Variants in SCAP observed in about 807,000 individuals in gnomAD.
SCAP encodes the protein sterol regulatory element-binding protein cleavage-activating protein.
In SCAP, 65 loss-of-function variants were observed where a neutral mutation model predicts 123.6. That is an observed-to-expected ratio of 0.53 (90% confidence interval 0.43 to 0.65). SCAP has a LOEUF of 0.65. Among genes scored for constraint, SCAP ranks in the 30% least tolerant of loss-of-function variants. SCAP has a pLI of 0.00. For missense variants in SCAP, 1,398 were observed against 1,712.5 expected, an observed-to-expected ratio of 0.82 and a Z score of 3.24; for synonymous variants, 740 against 726.3, an observed-to-expected ratio of 1.02 and a Z score of -0.30.
Position 47,451,394 on chromosome 3 carries a change from CTTTTT to C in SCAP, c.-98-8308_-98-8304del, listed in dbSNP as rs10712274. ...AAATATTCAAACAGTCCTGGAATGC[CTTTTT>C]TTTTTTTTTTTTTTTTGAGACAGGG... On this transcript the variant is annotated intron_variant, in intron 1 of 22. Transcript: ENST00000265565. Among the ~76,000 whole-genome samples the C allele has an allele frequency of 1.4e-4, 6 of 41,388 alleles. 1 individual carries two copies. Among genetic ancestry groups the C allele is most frequent in the Non-Finnish European group, 3.0e-4 (6 of 20,062 alleles). 27.2% of individuals were successfully genotyped at this position (41,388 alleles called of 152,430 possible).
chr3:47,418,448 G>A lies in SCAP; in HGVS notation c.2204C>T (p.Pro735Leu), dbSNP rs772986145. 3.1e-5 allele frequency: 49 copies of A among 1,595,090 alleles called. No individual in the cohort carries two copies. Among genetic ancestry groups the A allele is most frequent in the South Asian group, 9.0e-5 (8 of 88,940 alleles). The change falls in exon 15 of 23, where the codon CCG becomes CTG. Residue 735 changes from proline (P) to leucine (L), a missense_variant. Transcript: ENST00000265565. ...ACCACCCAGCTGCCCGTAGTTGCGC[G>A]GGCATAGCACGCGGTAGAGGCAGAG... ...LLLCLYRVLC[P>L]RNYGQLGGGP...
At chr3:47,422,863 A>C in intron 9 of SCAP, 3 of 222,546 alleles carry the variant, frequency 1.3e-5, no homozygotes, top group East Asian at 1.0e-4. Context: ...CAACAACCAC[A>C]TCCAACCTCC....
chr3:47,431,161 C>T (rs1193421520), intron 3 of SCAP, among the ~76,000 whole-genome samples: 1 of 53,558 alleles, frequency 1.9e-5, no homozygotes, highest in African/African-American at 5.7e-5. Flanking sequence ...AGGCTATGAC[C>T]AGAACAGAAG....
At chr3:47,470,457 T>C (rs958187060) in intron 1 of SCAP, among the ~76,000 whole-genome samples, 4 of 152,298 alleles carry the variant, frequency 2.6e-5, no homozygotes, top group Middle Eastern at 3.4e-3. Context: ...TGAACATCTG[T>C]ACACAGGAGT....
In SCAP at chr3:47,417,521, C is replaced by G; in HGVS notation, c.2753G>C (p.Arg918Pro). 1 of 1,560,468 alleles carries G rather than the reference C, an allele frequency of 6.4e-7. No homozygotes were observed. Among genetic ancestry groups the G allele is most frequent in the South Asian group, 1.2e-5 (1 of 85,158 alleles). The change falls in exon 17 of 23, where the codon CGG (arginine) becomes CCG (proline). Residue 918 changes from arginine (R) to proline (P), a missense_variant. Arg to Pro is a moderately radical substitution (Grantham distance 103). Transcript: ENST00000265565. Reference sequence around the variant, plus strand: ...CGCCAGCCCCTCCTCCTGGTACACCCGCTGCACCAGGCAGCTGAAGTCATA... The same window carrying G: ...CGCCAGCCCCTCCTCCTGGTACACCGGCTGCACCAGGCAGCTGAAGTCATA... ...PGYDFSCLVQRVYQEEGLAAV... is the reference protein window; with the variant it reads ...PGYDFSCLVQPVYQEEGLAAV...
intron 3 of SCAP, among the ~76,000 whole-genome samples, chr3:47,433,124 C>T (rs1706434071): frequency 6.6e-6 from 1 of 152,222 alleles, no homozygotes; most frequent in Admixed American, 6.5e-5. Flanking sequence ...GTCAGCCCTG[C>T]ACCTGGCTGA....
Position 47,420,702 on chromosome 3 carries a change from G to A in SCAP, c.1415C>T (p.Thr472Met), listed in dbSNP as rs150397046. 506 of 1,611,708 alleles carry A rather than the reference G, an allele frequency of 3.1e-4. 1 individual carries two copies. Among genetic ancestry groups the A allele is most frequent in the Non-Finnish European group, 3.9e-4 (460 of 1,179,964 alleles). Reference protein sequence around the residue: ...LPSAKPVGQPTRYERQLAVRP... With the variant: ...LPSAKPVGQPMRYERQLAVRP... ...CACAGCCAGCTGCCGCTCGTAGCGC[G>A]TTGGCTGTCCCACTGGCTTGGCTGA... is the stretch of plus-strand genomic sequence containing the variant. Residue 472 changes from threonine to methionine, a missense_variant, in exon 12 of 23, where the codon ACG becomes ATG. Thr to Met is a moderately conservative substitution (Grantham distance 81, BLOSUM62 -1). Transcript: ENST00000265565. This position sits in a 1 kb window ranked among gnomAD's most constrained non-coding sequence, Gnocchi z 5.0.
chr3:47,462,741 G>A (rs1432777025), intron 1 of SCAP, among the ~76,000 whole-genome samples: 4 of 102,560 alleles, frequency 3.9e-5, no homozygotes, highest in South Asian at 3.0e-4. Context: ...CAATAAGAGC[G>A]AAACTCCGTC....
At position 47,418,516 on chromosome 3, in the gene SCAP, C is replaced by T. The variant is rs1363341086; in HGVS notation, c.2136G>A (p.Ala712=). The T allele has an allele frequency of 4.4e-6, 7 of 1,590,868 alleles. No individual in the cohort carries two copies. Among genetic ancestry groups the T allele is most frequent in the South Asian group, 1.1e-5 (1 of 88,088 alleles). The change falls in exon 15 of 23, where the codon GCG becomes GCA. Residue 712 remains alanine (A), a synonymous_variant. Transcript: ENST00000265565. ...CGATGCCGGTGGCCAGGCCCAGCGC[C>T]GCCACCCTGCACGGGAGGGCGGACT... ...AHGDVTLYKV[A]ALGLATGIVL...
Position 47,449,311 on chromosome 3 carries a change from C to G in SCAP, c.-98-6220G>C, listed in dbSNP as rs1470838300. Among the ~76,000 whole-genome samples the G allele has an allele frequency of 1.6e-5, 2 of 123,706 alleles. 1 individual carries two copies. The highest frequency in any genetic ancestry group is 3.6e-5 in the Non-Finnish European group (2 of 56,194). The allele number at this position is 123,706 out of a possible 152,430, so 81.2% of individuals were successfully genotyped here. On this transcript the variant is annotated intron_variant, in intron 1 of 22. Transcript: ENST00000265565. ...TAACACTTTCCAGATCCCAAGGGCC[C>G]CTTTCCTGGTCTTCTGGCTAAAAGT...
intron 1 of SCAP, among the ~76,000 whole-genome samples, chr3:47,463,026 C>T (rs979894744): frequency 1.3e-5 from 2 of 152,098 alleles, no homozygotes; most frequent in Non-Finnish European, 2.9e-5. Context: ...TCCTTATTTA[C>T]ACTATTTCCA....
intron 2 of SCAP, among the ~76,000 whole-genome samples, chr3:47,440,267 A>C (rs1460047334): frequency 2.0e-5 from 3 of 152,190 alleles, no homozygotes; most frequent in Non-Finnish European, 4.4e-5. Context: ...TTCTGCAGGC[A>C]ATCCCAGGCT....
At chr3:47,434,234 C>T (rs552675313) in intron 3 of SCAP, among the ~76,000 whole-genome samples, 19 of 152,282 alleles carry the variant, frequency 1.2e-4, no homozygotes, top group African/African-American at 3.9e-4. Context: ...GAGCTCTGTT[C>T]GCTGAGCTTT....
chr3:47,457,815 G>A (rs1707484113), intron 1 of SCAP, among the ~76,000 whole-genome samples: 1 of 152,158 alleles, frequency 6.6e-6, no homozygotes, highest in Admixed American at 6.5e-5. Flanking sequence ...GCTGAGGCAG[G>A]AGAATGGCAT....
At chr3:47,475,317 A>G (rs1708224752) in intron 1 of SCAP, 1 of 152,282 alleles carries the variant, frequency 6.6e-6, no homozygotes, top group East Asian at 1.9e-4. Flanking sequence ...ATTAGTGAGC[A>G]AAGTTGAGGT....
chr3:47,417,865 GA>G (rs1705676057), intron 16 of SCAP, 39 bp from the exon 17 acceptor site: 1 of 914,438 alleles, frequency 1.1e-6, no homozygotes, highest in East Asian at 3.2e-5. Context: ...GGGCACGGGG[GA>G]GGGGGGTGAG....
chr3:47,430,267 CCTCA>C (rs1187358957), intron 3 of SCAP, among the ~76,000 whole-genome samples: 1 of 152,166 alleles, frequency 6.6e-6, no homozygotes, highest in Non-Finnish European at 1.5e-5. Flanking sequence ...ACCAAGGTCT[CCTCA>C]CTAAATATCA....
chr3:47,427,160 G>C lies in SCAP; in HGVS notation c.734C>G (p.Ala245Gly). 7 of 1,610,274 alleles carry C rather than the reference G, an allele frequency of 4.3e-6. No homozygotes were observed. The highest frequency in any genetic ancestry group is 5.9e-6 in the Non-Finnish European group (7 of 1,176,572). ...CCCAGGGTACTGTCAATCTTACTTG[G>C]CATGGTAGTGCTGGAAGACCAGGGT... ...TITLVFQHYHAKFLGSLRARL... is the reference protein window; with the variant it reads ...TITLVFQHYHGKFLGSLRARL... Residue 245 changes from alanine to glycine, a missense_variant, in exon 6 of 23, where the codon GCC (alanine) becomes GGC (glycine). This residue lies in a region of SCAP where 319 missense variants were observed against 432.4 expected (regional missense o/e 0.74). Transcript: ENST00000265565.
At chr3:47,415,908 T>A (rs1430558707) in intron 18 of SCAP, among the ~76,000 whole-genome samples, 1 of 152,084 alleles carries the variant, frequency 6.6e-6, no homozygotes, top group African/African-American at 2.4e-5. Context: ...GATGGTCAGG[T>A]TGAGACATCG....
Sources: allele counts gnomAD v4.1 joint callset (sites outside exome capture counted in the v4.1 genomes callset), GRCh38; gene constraint gnomAD v4.1.1; regional missense constraint gnomAD v4.1.1; non-coding constraint Gnocchi (gnomAD v3.1); transcripts MANE v1.5; gene names NCBI Gene and HGNC (gene_info 2026-07-23, HGNC 2026-07-21).